Variants in PPFIA1 observed in about 807,000 individuals in gnomAD.
PPFIA1 encodes the protein PPFI scaffold protein A1.
Under a neutral mutation model 149.9 loss-of-function variants are expected in PPFIA1, and 25 were observed. The ratio of observed to expected loss-of-function variants is 0.17; its 90% confidence interval spans 0.12 to 0.23. The LOEUF (loss-of-function observed/expected upper bound fraction) is 0.23. Ranked by LOEUF, PPFIA1 falls within the 10% of genes least tolerant of loss-of-function variation. PPFIA1 has a pLI of 1.00. For missense variants in PPFIA1, 1,362 were observed against 1,506.5 expected (o/e 0.90, Z 1.59); for synonymous variants, 549 against 552.8 (o/e 0.99, Z 0.10).
intron 2 of PPFIA1, among the ~76,000 whole-genome samples, chr11:70,318,854 C>T (rs1054556688): frequency 5.9e-5 from 9 of 152,234 alleles, no homozygotes; most frequent in Non-Finnish European, 1.2e-4. Context: ...TGGTTTTCCT[C>T]CTCATCCCTG....
intron 2 of PPFIA1, among the ~76,000 whole-genome samples, chr11:70,297,449 A>G (rs976393383): frequency 6.6e-6 from 1 of 152,150 alleles, no homozygotes; most frequent in African/African-American, 2.4e-5. Flanking sequence ...TGTAAACAAT[A>G]TGGAAACATA....
chr11:70,331,848 C>G, intron 8 of PPFIA1, 112 bp from the exon 9 acceptor site: 1 of 1,215,064 alleles, frequency 8.2e-7, no homozygotes, highest in Non-Finnish European at 1.1e-6. Context: ...CACTGTAGCT[C>G]TTCCATCATG....
At chr11:70,306,507 G>A (rs189608479) in intron 2 of PPFIA1, among the ~76,000 whole-genome samples, 130 of 152,138 alleles carry the variant, frequency 8.5e-4, no homozygotes, top group African/African-American at 2.4e-3. Context: ...TCAATACAAT[G>A]CCTCAATTGT....
chr11:70,362,627 T>G, intron 21 of PPFIA1, 139 bp downstream of exon 21: 1 of 804,460 alleles, frequency 1.2e-6, no homozygotes, highest in Non-Finnish European at 1.8e-6. Flanking sequence ...TAGCATCACA[T>G]ACATTAGAAC....
At chr11:70,311,184 C>G (rs1485939727) in intron 2 of PPFIA1, among the ~76,000 whole-genome samples, 5 of 152,008 alleles carry the variant, frequency 3.3e-5, no homozygotes, top group African/African-American at 1.2e-4. Context: ...TGGTGCATGC[C>G]TGTAATCCCA....
At chr11:70,353,844 T>C (rs1047454100) in intron 16 of PPFIA1, among the ~76,000 whole-genome samples, 4 of 152,214 alleles carry the variant, frequency 2.6e-5, no homozygotes, top group South Asian at 2.1e-4. Flanking sequence ...AGTGGTTTCT[T>C]GCCCTCTCTA....
chr11:70,368,390 A>T (rs2057061830), intron 21 of PPFIA1, among the ~76,000 whole-genome samples: 1 of 152,216 alleles, frequency 6.6e-6, no homozygotes, highest in Non-Finnish European at 1.5e-5. Context: ...ATAACAAATG[A>T]TACTGGAAGC....
At chr11:70,272,115 A>AT in intron 1 of PPFIA1, 58 bp from the exon 2 acceptor site, 2 of 1,547,454 alleles carry the variant, frequency 1.3e-6, no homozygotes, top group Non-Finnish European at 1.8e-6. Flanking sequence ...AAAGTTGCAT[A>AT]TTTGTGGGAA....
At chr11:70,340,636 C>G (rs1010172641) in intron 14 of PPFIA1, among the ~76,000 whole-genome samples, 2 of 152,072 alleles carry the variant, frequency 1.3e-5, no homozygotes, top group Non-Finnish European at 1.5e-5. Context: ...GAGTCCTAGG[C>G]CTGCAGCAGT....
intron 2 of PPFIA1, among the ~76,000 whole-genome samples, chr11:70,274,631 T>C (rs1474681364): frequency 6.6e-6 from 1 of 152,240 alleles, no homozygotes; most frequent in East Asian, 1.9e-4. Flanking sequence ...ACAGAACTTA[T>C]TCTTTCTACT....
At chr11:70,358,454 C>T (rs1591331450) in intron 19 of PPFIA1, 2 of 152,096 alleles carry the variant, frequency 1.3e-5, no homozygotes. Flanking sequence ...AATTCCTGAC[C>T]TGAAGCGATC....
intron 2 of PPFIA1, among the ~76,000 whole-genome samples, chr11:70,275,511 G>A (rs973386286): frequency 9.2e-5 from 14 of 152,152 alleles, no homozygotes; most frequent in Admixed American, 9.2e-4. Context: ...GCTTGGTCAA[G>A]TTCATGAGAT....
chr11:70,295,915 A>G (rs1452984261), intron 2 of PPFIA1, among the ~76,000 whole-genome samples: 1 of 146,472 alleles, frequency 6.8e-6, no homozygotes, highest in Non-Finnish European at 1.5e-5. Flanking sequence ...GGGTCTCCTC[A>G]CTTCTCAGAC....
At position 70,375,030 on chromosome 11, in the gene PPFIA1, A is replaced by G. The variant is rs779100260; in HGVS notation, c.3252A>G (p.Leu1084=). Residue 1084 remains leucine, a synonymous_variant, in exon 24 of 28, where the codon TTA becomes TTG. Coordinates refer to ENST00000253925, the MANE Select transcript of PPFIA1 (RefSeq NM_003626.5). Reference sequence around the variant, plus strand: ...GTGTTCACGGAGCACTTCTGGCCTTAGATGAAACCTTCGACTTCAGTGCAC... The same window carrying G: ...GTGTTCACGGAGCACTTCTGGCCTTGGATGAAACCTTCGACTTCAGTGCAC... ...ESGVHGALLA[L]DETFDFSALA... is the part of the protein sequence containing the mutation. 3.1e-6 allele frequency: 5 copies of G among 1,613,786 alleles called. No homozygotes were observed. The highest frequency in any genetic ancestry group is 4.2e-6 in the Non-Finnish European group (5 of 1,179,948).
At chr11:70,285,665 G>A (rs1427712387) in intron 2 of PPFIA1, among the ~76,000 whole-genome samples, 14 of 146,804 alleles carry the variant, frequency 9.5e-5, no homozygotes. Flanking sequence ...GGGGGACAGA[G>A]TGAGACTCTG....
At chr11:70,340,141 A>C (rs964446977) in intron 14 of PPFIA1, among the ~76,000 whole-genome samples, 3 of 151,998 alleles carry the variant, frequency 2.0e-5, no homozygotes, top group Admixed American at 6.6e-5. Flanking sequence ...TCTATTAAAA[A>C]AAAAAAAAAG....
chr11:70,309,645 A>T (rs1565376251), intron 2 of PPFIA1, among the ~76,000 whole-genome samples: 1 of 152,104 alleles, frequency 6.6e-6, no homozygotes, highest in Non-Finnish European at 1.5e-5. Flanking sequence ...AAAAAAAAAA[A>T]GTTTTCCAAA....
At chr11:70,376,626 A>G (rs1369058960) in intron 25 of PPFIA1, 26 bp downstream of exon 25, 1 of 1,506,210 alleles carries the variant, frequency 6.6e-7, no homozygotes, top group African/African-American at 1.4e-5. Context: ...AATGTTCTTT[A>G]AATGTCTGAA....
chr11:70,320,120 A>G (rs1441909993), intron 2 of PPFIA1: 1 of 152,252 alleles, frequency 6.6e-6, no homozygotes, highest in Non-Finnish European at 1.5e-5. Context: ...ATTTCTTGAA[A>G]GAACTGTAAC....
Sources: gnomAD v4.1 joint callset for allele counts (sites outside exome capture counted in the v4.1 genomes callset) on GRCh38, gnomAD v4.1.1 for gene constraint, MANE v1.5 for transcripts, NCBI Gene and HGNC (gene_info 2026-07-23, HGNC 2026-07-21) for gene names.